HTR1F: variants seen among roughly 807,000 people sequenced by gnomAD.
The protein encoded by HTR1F is 5-hydroxytryptamine (serotonin) receptor 1F, G protein-coupled.
In HTR1F, 17 loss-of-function variants were observed where a neutral mutation model predicts 24.0. The ratio of observed to expected loss-of-function variants is 0.71; its 90% CI spans 0.48 to 1.06. The LOEUF (loss-of-function observed/expected upper bound fraction) is 1.06, where lower values mean the gene tolerates loss of function less well. Ranked by LOEUF, HTR1F falls within the 50% of genes least tolerant of loss-of-function variation. The probability of loss-of-function intolerance (pLI) is 0.00; values close to 1 mark genes in which losing one functional copy is unlikely to be tolerated. For synonymous variants in HTR1F, 186 were observed against 156.8 expected (o/e 1.19, Z -1.39); for missense variants, 391 against 427.8 (o/e 0.91, Z 0.76).
chr3:87,930,378 G>A (rs1704232448), intron 2 of HTR1F, among the ~76,000 whole-genome samples: 2 of 152,160 alleles, frequency 1.3e-5, no homozygotes, highest in African/African-American at 4.8e-5. Context: ...CAAGGGAAAT[G>A]CTTCCAGCTT....
At chr3:87,855,103 G>C (rs140750512) in intron 2 of HTR1F, among the ~76,000 whole-genome samples, 2 of 152,136 alleles carry the variant, frequency 1.3e-5, no homozygotes, top group African/African-American at 4.8e-5. Context: ...CACTTGCCCA[G>C]TCAATAATGG....
chr3:87,976,694 A>C (rs919262609), intron 2 of HTR1F, among the ~76,000 whole-genome samples: 2 of 152,230 alleles, frequency 1.3e-5, no homozygotes, highest in Non-Finnish European at 2.9e-5. Context: ...TGTCCAACCC[A>C]ATATTTTTCC....
chr3:87,810,782 T>C (rs1256260382), intron 1 of HTR1F, among the ~76,000 whole-genome samples: 1 of 152,154 alleles, frequency 6.6e-6, no homozygotes, highest in Admixed American at 6.5e-5. Flanking sequence ...CTACATGCAA[T>C]CTTGAAAATA....
chr3:87,992,011 A>G lies in HTR1F; in HGVS notation c.*161A>G, dbSNP rs1705848226. On this transcript the variant is annotated 3_prime_UTR_variant, in exon 3 of 3. Transcript: ENST00000319595. ...ATTTTAATAGCAATGTGAATATAAA[A>G]GTTATTGATCACCACTATTCTAGGG... 1 of 554,760 alleles carries G rather than the reference A, an allele frequency of 1.8e-6. No homozygotes were observed. Among genetic ancestry groups the G allele is most frequent in the African/African-American group, 1.9e-5 (1 of 51,680 alleles). The allele number at this position is 554,760 out of a possible 1,614,324, so 34.4% of individuals were successfully genotyped here. A position where few individuals can be genotyped will look rare whatever the true frequency, so the allele number is the denominator to read the frequency against.
intron 2 of HTR1F, among the ~76,000 whole-genome samples, chr3:87,910,900 A>T (rs188939153): frequency 1.3e-5 from 2 of 152,092 alleles, no homozygotes; most frequent in South Asian, 4.1e-4. Context: ...TTAAGGCAGA[A>T]ATCAAGAAGT....
chr3:87,883,468 A>G (rs2107286432), intron 2 of HTR1F, among the ~76,000 whole-genome samples: 1 of 152,316 alleles, frequency 6.6e-6, no homozygotes, highest in East Asian at 1.9e-4. Context: ...GGATGGAGAA[A>G]GACTTTAACG....
intron 2 of HTR1F, among the ~76,000 whole-genome samples, chr3:87,823,080 A>G (rs1704390570): frequency 6.6e-6 from 1 of 152,196 alleles, no homozygotes; most frequent in Non-Finnish European, 1.5e-5. Context: ...GTCACTTGTC[A>G]TATATATGGA....
chr3:87,931,126 C>T lies in HTR1F; in HGVS notation c.-42-59582C>T, dbSNP rs145062398. 4.0e-3 allele frequency among the ~76,000 whole-genome samples: 600 copies of T among 150,758 alleles called. 6 individuals are homozygous for T. The highest frequency in any genetic ancestry group is 0.014 in the African/African-American group (580 of 41,104). On this transcript the variant is annotated intron_variant, in intron 2 of 2. Transcript: ENST00000319595. ...TGCAGGTTACATATGTATACATGTGCCATGCTGGTGTGCTGCACCCATTAA... is the reference window on the plus strand; with the variant it reads ...TGCAGGTTACATATGTATACATGTGTCATGCTGGTGTGCTGCACCCATTAA...
chr3:87,905,387 C>T (rs1703640920), intron 2 of HTR1F, among the ~76,000 whole-genome samples: 1 of 151,398 alleles, frequency 6.6e-6, no homozygotes, highest in Non-Finnish European at 1.5e-5. Flanking sequence ...TTAACTGACT[C>T]ATCCAAATTC....
chr3:87,934,794 C>A (rs943257435), intron 2 of HTR1F, among the ~76,000 whole-genome samples: 1 of 152,138 alleles, frequency 6.6e-6, no homozygotes, highest in Non-Finnish European at 1.5e-5. Context: ...AGCAATTTAC[C>A]TCACAGCCTA....
intron 2 of HTR1F, among the ~76,000 whole-genome samples, chr3:87,939,241 T>A (rs1377997338): frequency 3.3e-5 from 5 of 152,226 alleles, no homozygotes; most frequent in African/African-American, 7.2e-5. Context: ...TTGTGGTGGA[T>A]AAGCTTTTTG....
chr3:87,855,809 C>T (rs1468837407), intron 2 of HTR1F, among the ~76,000 whole-genome samples: 1 of 151,976 alleles, frequency 6.6e-6, no homozygotes, highest in African/African-American at 2.4e-5. Flanking sequence ...GTGAATCATC[C>T]CTTTGTCCAG....
chr3:87,932,482 G>C (rs1400486334), intron 2 of HTR1F, among the ~76,000 whole-genome samples: 1 of 152,114 alleles, frequency 6.6e-6, no homozygotes, highest in Non-Finnish European at 1.5e-5. Flanking sequence ...GTAGTGTGAT[G>C]CCTCCAGCTT....
At chr3:87,848,160 C>A (rs974409706) in intron 2 of HTR1F, among the ~76,000 whole-genome samples, 19 of 151,866 alleles carry the variant, frequency 1.3e-4, no homozygotes, top group Admixed American at 1.1e-3. Flanking sequence ...CTTTTCAGCA[C>A]ATCCTTGCCA....
At chr3:87,869,454 T>TAGATGATAGATAGATAGATA (rs113301497) in intron 2 of HTR1F, among the ~76,000 whole-genome samples, 2,545 of 124,770 alleles carry the variant, frequency 0.02, 126 homozygotes, top group African/African-American at 0.085. Flanking sequence ...GATAGATAGA[T>TAGATGATAGATAGATAGATA]GATAGATAGA....
intron 2 of HTR1F, among the ~76,000 whole-genome samples, chr3:87,849,415 C>G (rs1005548969): frequency 6.6e-6 from 1 of 151,774 alleles, no homozygotes; most frequent in African/African-American, 2.4e-5. Context: ...ATGTAGAAAG[C>G]TGAAACTGGA....
intron 1 of HTR1F, chr3:87,793,111 A>AG (rs1559584544): frequency 6.6e-6 from 1 of 152,564 alleles, no homozygotes; most frequent in East Asian, 1.9e-4. Flanking sequence ...ATAGTGGTCA[A>AG]GGCTGGGAGG....
chr3:87,905,345 A>C (rs1197033626), intron 2 of HTR1F, among the ~76,000 whole-genome samples: 1 of 151,940 alleles, frequency 6.6e-6, no homozygotes, highest in Non-Finnish European at 1.5e-5. Flanking sequence ...TAAAAAAAAA[A>C]CACCAAGAAA....
intron 1 of HTR1F, among the ~76,000 whole-genome samples, chr3:87,796,617 G>A (rs1259617036): frequency 6.6e-6 from 1 of 152,116 alleles, no homozygotes; most frequent in African/African-American, 2.4e-5. Context: ...AGTGGAATAG[G>A]GAAAAATCCA....
Sources: gnomAD v4.1 joint callset for allele counts (sites outside exome capture counted in the v4.1 genomes callset) on GRCh38, gnomAD v4.1.1 for gene constraint, MANE v1.5 for transcripts, NCBI Gene and HGNC (gene_info 2026-07-23, HGNC 2026-07-21) for gene names.